COLGALT2: variants seen among roughly 807,000 people sequenced by gnomAD.
COLGALT2 encodes collagen beta(1-O)galactosyltransferase 2.
In COLGALT2, 49 loss-of-function variants were observed where a neutral mutation model predicts 73.4. The ratio of observed to expected loss-of-function variants is 0.67; its 90% CI spans 0.53 to 0.85. The LOEUF (loss-of-function observed/expected upper bound fraction) is 0.85, where lower values mean the gene tolerates loss of function less well. COLGALT2 is among the 40% of genes least tolerant of loss of function. COLGALT2 has a pLI of 0.00. For synonymous variants in COLGALT2, 295 were observed against 307.6 expected (o/e 0.96, Z 0.43); for missense variants, 722 against 790.2 (o/e 0.91, Z 1.03).
At chr1:184,009,820 C>T (rs561672000) in intron 1 of COLGALT2, among the ~76,000 whole-genome samples, 25 of 152,270 alleles carry the variant, frequency 1.6e-4, no homozygotes, top group African/African-American at 5.8e-4. Flanking sequence ...CTCTTCCTGC[C>T]TCTTGGTCAT....
In COLGALT2 at chr1:183,936,058, C is replaced by T; in HGVS notation, c.*2703G>A. On this transcript the variant is annotated 3_prime_UTR_variant, in exon 12 of 12. Coordinates refer to ENST00000361927, the MANE Select transcript of COLGALT2 (RefSeq NM_015101.4). ...GTGTTCAGTCCACACACAGCAGCAC[C>T]AGCACTGCTGATGTCACGGTTGTCT... is the stretch of plus-strand genomic sequence containing the variant. 1.0e-6 allele frequency: 1 copy of T among 985,402 alleles called. No individual in the cohort carries two copies. Among genetic ancestry groups the T allele is most frequent in the Non-Finnish European group, 1.2e-6 (1 of 829,920 alleles). The allele number at this position is 985,402 out of a possible 1,614,324, so 61.0% of individuals were successfully genotyped here.
At chr1:184,023,798 T>C (rs1649249362) in intron 1 of COLGALT2, among the ~76,000 whole-genome samples, 1 of 152,206 alleles carries the variant, frequency 6.6e-6, no homozygotes, top group Non-Finnish European at 1.5e-5. Flanking sequence ...ATAGATTTCC[T>C]AGTTTTCAGA....
Position 183,939,047 on chromosome 1 carries a change from A to G in COLGALT2, c.1605-10T>C. 6.2e-7 allele frequency: 1 copy of G among 1,604,944 alleles called. No homozygotes were observed. The highest frequency in any genetic ancestry group is 8.5e-7 in the Non-Finnish European group (1 of 1,172,408). ...CTCCTTGTACTCGGCTCTGAAAACAAGAAGGTGGCCGGACACATGAGGGGG... is the reference window on the plus strand; with the variant it reads ...CTCCTTGTACTCGGCTCTGAAAACAGGAAGGTGGCCGGACACATGAGGGGG... On this transcript the variant is annotated splice_polypyrimidine_tract_variant and intron_variant, in intron 11 of 11. Transcript: ENST00000361927.
chr1:183,974,945 CA>C, intron 3 of COLGALT2, 151 bp downstream of exon 3: 1 of 583,160 alleles, frequency 1.7e-6, no homozygotes, highest in Non-Finnish European at 3.0e-6. Context: ...TTTAAACTAC[CA>C]AAAATTTCAT....
chr1:183,990,753 G>A (rs1431552696), intron 1 of COLGALT2, among the ~76,000 whole-genome samples: 1 of 152,228 alleles, frequency 6.6e-6, no homozygotes, highest in African/African-American at 2.4e-5. Flanking sequence ...GGAACTCCAC[G>A]TAAATTTGTT....
chr1:183,930,975 A>G (rs1342157894), downstream of COLGALT2, among the ~76,000 whole-genome samples: 5 of 152,244 alleles, frequency 3.3e-5, no homozygotes, highest in African/African-American at 9.6e-5. Context: ...ATCTCTACCC[A>G]GAAACCTTTG....
chr1:183,959,714 C>T (rs893241175), intron 6 of COLGALT2, among the ~76,000 whole-genome samples: 2 of 152,060 alleles, frequency 1.3e-5, no homozygotes, highest in Non-Finnish European at 2.9e-5. Flanking sequence ...TCAGGCCATG[C>T]CCCCTCTGCC....
chr1:184,032,300 T>TAAAGGAGATAGGAGAA (rs1205420648), intron 1 of COLGALT2, among the ~76,000 whole-genome samples: 1 of 152,074 alleles, frequency 6.6e-6, no homozygotes, highest in Non-Finnish European at 1.5e-5. Flanking sequence ...AAGGTAAAGG[T>TAAAGGAGATAGGAGAA]AAAGGAGATA....
chr1:184,011,802 T>C (rs1467587870), intron 1 of COLGALT2, among the ~76,000 whole-genome samples: 1 of 152,222 alleles, frequency 6.6e-6, no homozygotes, highest in Middle Eastern at 3.2e-3. Flanking sequence ...ATCTGGGCAG[T>C]TGGTTAATAT....
intron 1 of COLGALT2, among the ~76,000 whole-genome samples, chr1:183,984,015 C>T (rs200822261): frequency 7.2e-5 from 11 of 152,204 alleles, no homozygotes; most frequent in East Asian, 5.8e-4. Context: ...GAGGCTCATA[C>T]GGCTCAGTCT....
chr1:183,970,032 C>A (rs566333921), intron 4 of COLGALT2, among the ~76,000 whole-genome samples: 2 of 152,130 alleles, frequency 1.3e-5, no homozygotes, highest in Admixed American at 1.3e-4. Flanking sequence ...CAGCAAATAC[C>A]GGCTCCTATT....
At chr1:184,017,637 A>G (rs1403468297) in intron 1 of COLGALT2, among the ~76,000 whole-genome samples, 1 of 152,228 alleles carries the variant, frequency 6.6e-6, no homozygotes, top group Non-Finnish European at 1.5e-5. Flanking sequence ...ATAGAGGGGA[A>G]GTTGGCTAAG....
At chr1:183,998,972 G>T (rs1671843307) in intron 1 of COLGALT2, among the ~76,000 whole-genome samples, 1 of 151,902 alleles carries the variant, frequency 6.6e-6, no homozygotes, top group African/African-American at 2.4e-5. Flanking sequence ...TTTCTCTGTA[G>T]ATAATCATAT....
At chr1:184,002,330 C>T (rs915988568) in intron 1 of COLGALT2, among the ~76,000 whole-genome samples, 1 of 152,220 alleles carries the variant, frequency 6.6e-6, no homozygotes, top group Non-Finnish European at 1.5e-5. Context: ...AGGAAATAAA[C>T]TCATGGCCAT....
rs557916058 is a variant in COLGALT2, at chr1:183,976,878, A to G, written c.374+1532T>C. The stretch of plus-strand genomic sequence containing the variant: ...TGAGTGATTAAGAATAGGTTTCTAT[A>G]GTAGGCATGATTTAGGATAAGAATT... On this transcript the variant is annotated intron_variant, in intron 2 of 11. Transcript: ENST00000361927. Among the ~76,000 whole-genome samples, 70 of 152,352 alleles carry G rather than the reference A, an allele frequency of 4.6e-4. 1 individual carries two copies. The highest frequency in any genetic ancestry group is 1.7e-3 in the African/African-American group (69 of 41,582).
At chr1:183,995,773 CT>C (rs1671754490) in intron 1 of COLGALT2, among the ~76,000 whole-genome samples, 1 of 151,496 alleles carries the variant, frequency 6.6e-6, no homozygotes, top group Non-Finnish European at 1.5e-5. Flanking sequence ...AGTTTATTGT[CT>C]TTCTTTATCC....
intron 2 of COLGALT2, among the ~76,000 whole-genome samples, chr1:183,976,315 T>C (rs1172920260): frequency 6.7e-6 from 1 of 148,742 alleles, no homozygotes; most frequent in Non-Finnish European, 1.5e-5. Flanking sequence ...TGATATACAG[T>C]CCATGGGCTT....
chr1:183,977,850 AGCG>A lies in COLGALT2; in HGVS notation c.374+557_374+559del, dbSNP rs1279173867. Among the ~76,000 whole-genome samples the A allele has an allele frequency of 6.3e-4, 87 of 138,726 alleles. 2 individuals are homozygous for A. The highest frequency in any genetic ancestry group is 2.0e-3 in the Admixed American group (28 of 14,134). The allele number at this position is 138,726 out of a possible 152,430, so 91.0% of individuals were successfully genotyped here. A position where few individuals can be genotyped will look rare whatever the true frequency, so the allele number is the denominator to read the frequency against. ...AGAGAGAGAGAAAGAAGAGAAGAGAAGCGAAGAAAAGAAAAGAAAGAAAAGAAG... is the reference window on the plus strand; with the variant it reads ...AGAGAGAGAGAAAGAAGAGAAGAGAAAAGAAAAGAAAAGAAAGAAAAGAAG... On this transcript the variant is annotated intron_variant, in intron 2 of 11. Coordinates refer to ENST00000361927, the MANE Select transcript of COLGALT2 (RefSeq NM_015101.4).
chr1:184,030,510 T>C (rs1649479613), intron 1 of COLGALT2, among the ~76,000 whole-genome samples: 1 of 152,198 alleles, frequency 6.6e-6, no homozygotes, highest in Admixed American at 6.5e-5. Flanking sequence ...ATGGTCCTAC[T>C]ATACTGTGCC....
Sources: gnomAD v4.1 joint callset for allele counts (sites outside exome capture counted in the v4.1 genomes callset) on GRCh38, gnomAD v4.1.1 for gene constraint, MANE v1.5 for transcripts, NCBI Gene and HGNC (gene_info 2026-07-23, HGNC 2026-07-21) for gene names.